Variants in ALKBH6 observed in about 807,000 individuals in gnomAD.
The protein encoded by ALKBH6 is probable RNA/DNA demethylase ALKBH6.
Under a neutral mutation model 25.1 loss-of-function variants are expected in ALKBH6, and 20 were observed. That is an observed-to-expected ratio of 0.80 (90% confidence interval 0.56 to 1.16). The LOEUF (loss-of-function observed/expected upper bound fraction) is 1.16, where lower values mean the gene tolerates loss of function less well. Among genes scored for constraint, ALKBH6 ranks in the 50% most tolerant of loss-of-function variants. The pLI, the probability that ALKBH6 is intolerant of heterozygous loss-of-function variation, is 0.00. For synonymous variants in ALKBH6, 156 were observed against 147.5 expected (o/e 1.06, Z -0.42); for missense variants, 263 against 326.5 (o/e 0.81, Z 1.50).
intron 4 of ALKBH6, 119 bp downstream of exon 4, chr19:36,011,285 G>A: frequency 7.6e-7 from 1 of 1,312,422 alleles, no homozygotes; most frequent in Non-Finnish European, 1.1e-6. Context: ...GAATCCTCCT[G>A]GCTCTTGGGG....
intron 6 of ALKBH6, 141 bp from the exon 7 acceptor site, chr19:36,009,694 G>T: frequency 3.3e-6 from 2 of 611,320 alleles, no homozygotes; most frequent in Non-Finnish European, 4.7e-6. Context: ...GGAGGCTTTG[G>T]TGGTTCAGGA....
Position 36,013,763 on chromosome 19 carries a change from C to A in ALKBH6, c.-25-341G>T. 7.8e-7 allele frequency: 1 copy of A among 1,277,384 alleles called. No homozygotes were observed. The highest frequency in any genetic ancestry group is 9.9e-7 in the Non-Finnish European group (1 of 1,008,396). The allele number at this position is 1,277,384 out of a possible 1,614,324, so 79.1% of individuals were successfully genotyped here. On this transcript the variant is annotated intron_variant, in intron 1 of 6. Coordinates refer to ENST00000378875, the MANE Select transcript of ALKBH6 (RefSeq NM_032878.5). This position sits in a 1 kb window ranked among gnomAD's most constrained non-coding sequence, Gnocchi z 4.6. Reference sequence around the variant, plus strand: ...TCTACACATAGCCCCCAGGGCTGCACTCCAGAGCCCCTTTAAACACCTTGA... The same window carrying A: ...TCTACACATAGCCCCCAGGGCTGCAATCCAGAGCCCCTTTAAACACCTTGA...
intron 3 of ALKBH6, chr19:36,012,575 C>G (rs1036290986): frequency 1.8e-5 from 3 of 162,550 alleles, no homozygotes; most frequent in African/African-American, 4.8e-5. Flanking sequence ...TGCTCTGTAA[C>G]TTAGGCACTG....
rs913397324 is a variant in ALKBH6 at position 36,013,766 on chromosome 19, C to T, written c.-25-344G>A. 1.4e-5 allele frequency: 18 copies of T among 1,278,468 alleles called. No homozygotes were observed. Among genetic ancestry groups the T allele is most frequent in the Admixed American group, 8.0e-5 (2 of 25,088 alleles). 79.2% of individuals were successfully genotyped at this position (1,278,468 alleles called of 1,614,324 possible). A position where few individuals can be genotyped will look rare whatever the true frequency, so the allele number is the denominator to read the frequency against. ...ACACATAGCCCCCAGGGCTGCACTCCAGAGCCCCTTTAAACACCTTGAGAC... is the reference window on the plus strand; with the variant it reads ...ACACATAGCCCCCAGGGCTGCACTCTAGAGCCCCTTTAAACACCTTGAGAC... On this transcript the variant is annotated intron_variant, in intron 1 of 6. Transcript: ENST00000378875. The surrounding 1 kb of genome is among the most constrained non-coding windows in gnomAD (Gnocchi z 4.6).
chr19:36,011,405 C>T lies in ALKBH6; in HGVS notation c.183G>A (p.Trp61Ter), dbSNP rs2145371474. 1 of 1,612,952 alleles carries T rather than the reference C, an allele frequency of 6.2e-7. No individual in the cohort carries two copies. The highest frequency in any genetic ancestry group is 1.9e-4 in the Middle Eastern group (1 of 5,320). Residue 61 changes from tryptophan (W) to a stop codon, truncating the protein, a stop_gained and splice_region_variant, in exon 4 of 7, where the codon TGG (tryptophan) becomes TGA (stop). Transcript: ENST00000378875. LOFTEE classifies it high-confidence loss of function. ...CTGCCCCCAGCCAGGGATACTTACCCCAGTTCTGTAACTTTCTCCCAGAGA... is the reference window on the plus strand; with the variant it reads ...CTGCCCCCAGCCAGGGATACTTACCTCAGTTCTGTAACTTTCTCCCAGAGA... The part of the protein sequence containing the change: ...TQLSGRKLQN[W>*]GGLPHPRGMV...
Position 36,013,628 on chromosome 19 carries a change from T to C in ALKBH6, c.-25-206A>G, listed in dbSNP as rs1011847962. ...CGGACACAATGAGCCCCAAGAATAA[T>C]CCCCCATTACTCTGTCCACTAAGGG... On this transcript the variant is annotated intron_variant, in intron 1 of 6. Coordinates refer to ENST00000378875, the MANE Select transcript of ALKBH6 (RefSeq NM_032878.5). This position sits in a 1 kb window ranked among gnomAD's most constrained non-coding sequence, Gnocchi z 4.6. 13 of 1,402,222 alleles carry C rather than the reference T, an allele frequency of 9.3e-6. No homozygotes were observed. The African/African-American group carries it at 1.9e-4, about 20-fold the overall frequency. The allele number at this position is 1,402,222 out of a possible 1,614,324, so 86.9% of individuals were successfully genotyped here.
At position 36,010,955 on chromosome 19, in the gene ALKBH6, A is replaced by G. The variant is rs752165459; in HGVS notation, c.275T>C (p.Phe92Ser). ...GACATGGTTAGCTGGGAGGCCTCCA[A>G]AGAGGCTGAGGTTTGACACTTTGTC... is the stretch of plus-strand genomic sequence containing the variant. ...YVDKVSNLSL[F>S]GGLPANHVLV... The change falls in exon 5 of 7, where the codon TTT becomes TCT. Residue 92 changes from phenylalanine to serine, a missense_variant. Phe to Ser is a radical substitution (Grantham distance 155). This residue lies in a region of ALKBH6 where 112 missense variants were observed against 153.0 expected (regional missense o/e 0.73). Transcript: ENST00000378875. The surrounding 1 kb of genome is among the most constrained non-coding windows in gnomAD (Gnocchi z 5.5). The G allele has an allele frequency of 5.0e-6, 8 of 1,614,066 alleles. No individual in the cohort carries two copies. In the South Asian group the frequency reaches 8.8e-5, roughly 18 times the overall value.
Position 36,010,404 on chromosome 19 carries a change from G to C in ALKBH6, c.453+163C>G. 1.5e-6 allele frequency: 1 copy of C among 680,494 alleles called. No homozygotes were observed. The highest frequency in any genetic ancestry group is 2.5e-5 in the East Asian group (1 of 39,974). 42.2% of individuals were successfully genotyped at this position (680,494 alleles called of 1,614,324 possible). A position where few individuals can be genotyped will look rare whatever the true frequency, so the allele number is the denominator to read the frequency against. On this transcript the variant is annotated intron_variant, in intron 6 of 6. Coordinates refer to ENST00000378875, the MANE Select transcript of ALKBH6 (RefSeq NM_032878.5). This position sits in a 1 kb window ranked among gnomAD's most constrained non-coding sequence, Gnocchi z 5.5. ...GGGACAGACACCCTGTAAGCAGATG[G>C]GTTGGGTGTCTGGGAGGAAGTGGGT...
At position 36,013,756 on chromosome 19, in the gene ALKBH6, G is replaced by T; in HGVS notation, c.-25-334C>A. 7.8e-7 allele frequency: 1 copy of T among 1,279,658 alleles called. No homozygotes were observed. The highest frequency in any genetic ancestry group is 1.8e-5 in the South Asian group (1 of 54,486). The allele number at this position is 1,279,658 out of a possible 1,614,324, so 79.3% of individuals were successfully genotyped here. ...CAAAAGCTCTACACATAGCCCCCAG[G>T]GCTGCACTCCAGAGCCCCTTTAAAC... On this transcript the variant is annotated intron_variant, in intron 1 of 6. Transcript: ENST00000378875. This position sits in a 1 kb window ranked among gnomAD's most constrained non-coding sequence, Gnocchi z 4.6.
chr19:36,014,163 C>T lies in ALKBH6; in HGVS notation c.-26+12G>A. 1 of 1,612,782 alleles carries T rather than the reference C, an allele frequency of 6.2e-7. No homozygotes were observed. The highest frequency in any genetic ancestry group is 1.3e-5 in the African/African-American group (1 of 74,916). On this transcript the variant is annotated intron_variant, in intron 1 of 6. Transcript: ENST00000378875. ...ACATCCATCTCTACCCCCAGCACTC[C>T]CCAAAACTGACCGTCCACCAGCGTC... is the stretch of plus-strand genomic sequence containing the variant.
At chr19:36,014,116 A>C in intron 1 of ALKBH6, 59 bp downstream of exon 1, 1 of 1,602,946 alleles carries the variant, frequency 6.2e-7, no homozygotes, top group Non-Finnish European at 8.5e-7. Flanking sequence ...GCTCCCCCGG[A>C]TCCCCACTTT....
chr19:36,011,314 A>T, intron 4 of ALKBH6, 90 bp downstream of exon 4: 1 of 1,492,250 alleles, frequency 6.7e-7, no homozygotes. Context: ...GCTGTCAGGG[A>T]CCCTCTGATG....
Position 36,009,393 on chromosome 19 carries a change from G to C in ALKBH6, c.614C>G (p.Pro205Arg). ...ASSPPNAAAC[P>R]SARPGACLVR... The stretch of plus-strand genomic sequence containing the variant: ...CAGGCAGGCTCCCGGCCGCGCCGAC[G>C]GGCAGGCTGCCGCATTGGGCGGCGA... The change falls in exon 7 of 7, where the codon CCG (proline) becomes CGG (arginine). Residue 205 changes from proline to arginine, a missense_variant. Physicochemically the swap from Pro to Arg is moderately radical, Grantham distance 103. Around this residue, in one of 3 missense-constraint regions of ALKBH6, gnomAD observed 148 missense variants for 157.5 expected, o/e 0.94. Transcript: ENST00000378875. The C allele has an allele frequency of 8.0e-7, 1 of 1,253,406 alleles. No homozygotes were observed. The highest frequency in any genetic ancestry group is 3.2e-5 in the South Asian group (1 of 30,932). 77.6% of individuals were successfully genotyped at this position (1,253,406 alleles called of 1,614,324 possible).
At position 36,010,146 on chromosome 19, in the gene ALKBH6, T is replaced by C. The variant is rs73607776; in HGVS notation, c.453+421A>G. On this transcript the variant is annotated intron_variant, in intron 6 of 6. Transcript: ENST00000378875. This position sits in a 1 kb window ranked among gnomAD's most constrained non-coding sequence, Gnocchi z 5.5. The stretch of plus-strand genomic sequence containing the variant: ...CTAGAAATGCATCACTCAGAGAAAT[T>C]GTGTCAAGGGGTCAAGGAGAATCTG... 17,115 of 186,168 alleles carry C rather than the reference T, an allele frequency of 0.092. 2,028 individuals carry two copies. Among genetic ancestry groups the C allele is most frequent in the African/African-American group, 0.3 (12,732 of 42,260 alleles). 11.5% of individuals were successfully genotyped at this position (186,168 alleles called of 1,614,324 possible).
intron 4 of ALKBH6, 146 bp downstream of exon 4, chr19:36,011,258 C>T (rs1968604602): frequency 8.7e-7 from 1 of 1,155,618 alleles, no homozygotes; most frequent in Non-Finnish European, 1.2e-6. Flanking sequence ...CCCTCAGGAC[C>T]TCCACTGACC....
At position 36,010,543 on chromosome 19, in the gene ALKBH6, C is replaced by G. The variant is rs2073894; in HGVS notation, c.453+24G>C. On this transcript the variant is annotated intron_variant, in intron 6 of 6. Coordinates refer to ENST00000378875, the MANE Select transcript of ALKBH6 (RefSeq NM_032878.5). This position sits in a 1 kb window ranked among gnomAD's most constrained non-coding sequence, Gnocchi z 5.5. ...GCGAGGTTGAAGTGCCTACAAGCAGCTGGGGCAGTGTCTGGGGGCCCACCT... is the reference window on the plus strand; with the variant it reads ...GCGAGGTTGAAGTGCCTACAAGCAGGTGGGGCAGTGTCTGGGGGCCCACCT... The G allele has an allele frequency of 2.5e-6, 4 of 1,598,366 alleles. No homozygotes were observed. Among genetic ancestry groups the G allele is most frequent in the Non-Finnish European group, 2.6e-6 (3 of 1,167,266 alleles).
At position 36,010,274 on chromosome 19, in the gene ALKBH6, G is replaced by A; in HGVS notation, c.453+293C>T. 2.7e-6 allele frequency: 1 copy of A among 373,154 alleles called. No homozygotes were observed. The highest frequency in any genetic ancestry group is 4.9e-6 in the Non-Finnish European group (1 of 202,806). 23.1% of individuals were successfully genotyped at this position (373,154 alleles called of 1,614,324 possible). A position where few individuals can be genotyped will look rare whatever the true frequency, so the allele number is the denominator to read the frequency against. The stretch of plus-strand genomic sequence containing the variant: ...TCTGGGAGGAGGTGAGGCCCCCCGA[G>A]TTAATGGCGGTGGGGTATCTAAGGA... On this transcript the variant is annotated intron_variant, in intron 6 of 6. Transcript: ENST00000378875. This position sits in a 1 kb window ranked among gnomAD's most constrained non-coding sequence, Gnocchi z 5.5.
intron 6 of ALKBH6, 52 bp from the exon 7 acceptor site, chr19:36,009,605 T>TGGGTGCTGGGGGGGGGGGGGGGG: frequency 4.5e-5 from 6 of 132,196 alleles, no homozygotes; most frequent in Non-Finnish European, 5.9e-5. Context: ...GGGGTGGGGG[T>TGGGTGCTGGGGGGGGGGGGGGGG]GGGCGAGAGG....
At position 36,013,693 on chromosome 19, in the gene ALKBH6, G is replaced by A; in HGVS notation, c.-25-271C>T. 1 of 1,317,010 alleles carries A rather than the reference G, an allele frequency of 7.6e-7. No individual in the cohort carries two copies. The allele number at this position is 1,317,010 out of a possible 1,614,324, so 81.6% of individuals were successfully genotyped here. ...CATATGCCTTCTCAATCCTCCCACA[G>A]AGAACATTCTCTGGCCCCACACACA... On this transcript the variant is annotated intron_variant, in intron 1 of 6. Coordinates refer to ENST00000378875, the MANE Select transcript of ALKBH6 (RefSeq NM_032878.5). This position sits in a 1 kb window ranked among gnomAD's most constrained non-coding sequence, Gnocchi z 4.6.
Sources: allele counts gnomAD v4.1 joint callset, GRCh38; gene constraint gnomAD v4.1.1; regional missense constraint gnomAD v4.1.1; non-coding constraint Gnocchi (gnomAD v3.1); transcripts MANE v1.5; gene names NCBI Gene and HGNC (gene_info 2026-07-23, HGNC 2026-07-21).